Variants in RPS6KC1 observed in about 807,000 individuals in gnomAD.
RPS6KC1 encodes inactive ribosomal protein S6 kinase delta-1.
In RPS6KC1, 54 loss-of-function variants were observed where a neutral mutation model predicts 103.8. That is an observed-to-expected ratio of 0.52 (90% CI 0.42 to 0.65). RPS6KC1 has a LOEUF of 0.65. RPS6KC1 is among the 30% of genes least tolerant of loss of function. The pLI is 0.00. For synonymous variants in RPS6KC1, 439 were observed against 438.7 expected, an observed-to-expected ratio of 1.00 and a Z score of -0.01; for missense variants, 1,151 against 1,253.8, an observed-to-expected ratio of 0.92 and a Z score of 1.24.
At chr1:213,115,932 T>C (rs1056550656) in intron 4 of RPS6KC1, among the ~76,000 whole-genome samples, 33 of 152,322 alleles carry the variant, frequency 2.2e-4, no homozygotes, top group African/African-American at 6.0e-4. Context: ...TTGTTATAAT[T>C]TCTGTTCTTT....
the RPS6KC1 span, among the ~76,000 whole-genome samples, chr1:213,306,412 C>T: frequency 6.6e-6 from 1 of 152,146 alleles, no homozygotes; most frequent in African/African-American, 2.4e-5. Flanking sequence ...ATGCAAGCAG[C>T]ATTGATAAAT....
At chr1:213,307,794 CAG>C in the RPS6KC1 span, among the ~76,000 whole-genome samples, 1 of 152,146 alleles carries the variant, frequency 6.6e-6, no homozygotes, top group Non-Finnish European at 1.5e-5. Context: ...GTACACTGCA[CAG>C]AGAGGGCCTC....
At chr1:213,749,615 G>A in the RPS6KC1 span, among the ~76,000 whole-genome samples, 1 of 152,134 alleles carries the variant, frequency 6.6e-6, no homozygotes, top group Non-Finnish European at 1.5e-5. Context: ...CAACCAAAAG[G>A]GCACTGCAGG....
chr1:213,363,675 T>TTTCC, the RPS6KC1 span, among the ~76,000 whole-genome samples: 2 of 96,072 alleles, frequency 2.1e-5, no homozygotes, highest in East Asian at 4.3e-4. Flanking sequence ...TCTTTCTTTC[T>TTTCC]TTCTTTCTTT....
chr1:213,458,060 C>T, the RPS6KC1 span, among the ~76,000 whole-genome samples: 4 of 152,162 alleles, frequency 2.6e-5, no homozygotes, highest in South Asian at 8.3e-4. Flanking sequence ...GGGTATATTG[C>T]GTGATGCTGA....
the RPS6KC1 span, among the ~76,000 whole-genome samples, chr1:213,510,528 G>A: frequency 6.6e-6 from 1 of 152,128 alleles, no homozygotes; most frequent in Non-Finnish European, 1.5e-5. Context: ...CGGGCTAGTT[G>A]TAAAAATAAC....
chr1:213,680,295 G>A, the RPS6KC1 span, among the ~76,000 whole-genome samples: 10 of 152,298 alleles, frequency 6.6e-5, no homozygotes, highest in East Asian at 1.9e-4. Flanking sequence ...TGCCTGTTAC[G>A]TGAAAAACAG....
At chr1:213,617,606 A>G in the RPS6KC1 span, among the ~76,000 whole-genome samples, 1 of 152,122 alleles carries the variant, frequency 6.6e-6, no homozygotes, top group African/African-American at 2.4e-5. Context: ...TGAAAGGAGG[A>G]TTTTATTTTT....
At chr1:213,363,667 TTTCTTTCTTTC>T in the RPS6KC1 span, among the ~76,000 whole-genome samples, 1 of 100,118 alleles carries the variant, frequency 1.0e-5, no homozygotes, top group East Asian at 2.2e-4. Context: ...TCTTTCTTTC[TTTCTTTCTTTC>T]TTTCTTTCTT....
the RPS6KC1 span, among the ~76,000 whole-genome samples, chr1:213,290,231 A>T: frequency 0.022 from 3,307 of 151,002 alleles, 117 homozygotes; most frequent in African/African-American, 0.076. Context: ...GAAAGGGATG[A>T]GAGGCAAAGG....
chr1:213,051,892 C>A (rs2076978542), intron 1 of RPS6KC1, among the ~76,000 whole-genome samples: 1 of 152,156 alleles, frequency 6.6e-6, no homozygotes, highest in African/African-American at 2.4e-5. Flanking sequence ...TATTGTTTGG[C>A]TTATGTAATA....
the RPS6KC1 span, among the ~76,000 whole-genome samples, chr1:213,741,189 T>C: frequency 1.1e-3 from 161 of 151,784 alleles, no homozygotes; most frequent in African/African-American, 3.6e-3. Context: ...GTTTACATTG[T>C]GGAATGATTA....
the RPS6KC1 span, among the ~76,000 whole-genome samples, chr1:213,492,978 AAAG>A: frequency 6.6e-6 from 1 of 152,226 alleles, no homozygotes; most frequent in Non-Finnish European, 1.5e-5. Flanking sequence ...ACTGTGAATA[AAAG>A]AAGACTCAAG....
At chr1:213,278,216 A>C (rs1410464990), downstream of RPS6KC1, among the ~76,000 whole-genome samples, 1 of 152,018 alleles carries the variant, frequency 6.6e-6, no homozygotes, top group Admixed American at 6.6e-5. Context: ...AAAAAAAAAA[A>C]AATCTTCCTA....
chr1:213,815,569 A>G, the RPS6KC1 span, among the ~76,000 whole-genome samples: 1 of 152,324 alleles, frequency 6.6e-6, no homozygotes, highest in Non-Finnish European at 1.5e-5. Context: ...GATCTACCTC[A>G]GAAACATAGT....
At chr1:213,566,368 T>C in the RPS6KC1 span, among the ~76,000 whole-genome samples, 2 of 151,502 alleles carry the variant, frequency 1.3e-5, no homozygotes, top group Non-Finnish European at 2.9e-5. Flanking sequence ...TGTATTTAGG[T>C]TGACTTTTAT....
the RPS6KC1 span, among the ~76,000 whole-genome samples, chr1:213,464,727 G>T: frequency 6.6e-6 from 1 of 150,812 alleles, no homozygotes; most frequent in African/African-American, 2.4e-5. Context: ...CATTGATTTC[G>T]GTATGTCGTA....
At chr1:213,384,282 A>G in the RPS6KC1 span, among the ~76,000 whole-genome samples, 2 of 103,692 alleles carry the variant, frequency 1.9e-5, no homozygotes, top group Non-Finnish European at 4.2e-5. Context: ...TCTCAAAAAA[A>G]AATATATATA....
At chr1:213,602,134 CTT>C in the RPS6KC1 span, among the ~76,000 whole-genome samples, 12 of 53,766 alleles carry the variant, frequency 2.2e-4, no homozygotes, top group African/African-American at 8.1e-4. Flanking sequence ...TTCTTTCTTT[CTT>C]TCTTTCTTTC....
Sources: gnomAD v4.1 joint callset for allele counts (sites outside exome capture counted in the v4.1 genomes callset) on GRCh38, gnomAD v4.1.1 for gene constraint, MANE v1.5 for transcripts, NCBI Gene and HGNC (gene_info 2026-07-23, HGNC 2026-07-21) for gene names.